The following NEDD4 variants were observed in gnomAD, a reference collection of about 807,000 sequenced individuals.
NEDD4 encodes NEDD4 E3 ubiquitin protein ligase.
Under a neutral mutation model 144.9 loss-of-function variants are expected in NEDD4, and 99 were observed. The observed-to-expected ratio is 0.68, with a 90% CI of 0.58 to 0.81. NEDD4 has a LOEUF of 0.81. NEDD4 is among the 30% of genes least tolerant of loss of function. NEDD4 has a pLI of 0.00. For synonymous variants in NEDD4, 318 were observed against 350.6 expected (o/e 0.91, Z 1.04); for missense variants, 985 against 1,065.9 (o/e 0.92, Z 1.06).
chr15:55,845,747 A>C (rs1473747763), intron 18 of NEDD4, among the ~76,000 whole-genome samples: 2 of 152,098 alleles, frequency 1.3e-5, no homozygotes, highest in African/African-American at 4.8e-5. Context: ...AGAAGTAGAA[A>C]ACAAATTTCC....
In NEDD4 at chr15:55,856,885, T is replaced by G. The variant is rs55935758; in HGVS notation, c.961-689A>C. The stretch of plus-strand genomic sequence containing the variant: ...TATTTAATGACATCAAAATTTACAA[T>G]GCACATACAAATTGAATCAGAATAT... On this transcript the variant is annotated intron_variant, in intron 11 of 28. Transcript: ENST00000435532. Among the ~76,000 whole-genome samples the G allele has an allele frequency of 7.3e-3, 1,115 of 152,344 alleles. 8 individuals are homozygous for G. The highest frequency in any genetic ancestry group is 0.014 in the Middle Eastern group (4 of 294).
intron 21 of NEDD4, among the ~76,000 whole-genome samples, chr15:55,839,979 AAAAAAAAAAAAAAAAAAAAAATAT>A (rs1382947292): frequency 7.9e-5 from 2 of 25,190 alleles, no homozygotes; most frequent in African/African-American, 2.7e-4. Flanking sequence ...GTCTCAAAAA[AAAAAAAAAAAAAAAAAAAAAATAT>A]ATATATATAT....
At chr15:55,949,676 T>A (rs1372530105) in intron 4 of NEDD4, among the ~76,000 whole-genome samples, 2 of 152,116 alleles carry the variant, frequency 1.3e-5, no homozygotes, top group Non-Finnish European at 2.9e-5. Flanking sequence ...CTGGAAACCA[T>A]CATTCTCAGC....
intron 1 of NEDD4, among the ~76,000 whole-genome samples, chr15:55,966,788 T>C (rs1214131681): frequency 6.6e-6 from 1 of 152,230 alleles, no homozygotes; most frequent in African/African-American, 2.4e-5. Context: ...TAAGAATTTA[T>C]CGCTGCGCTC....
chr15:55,860,454 G>A lies in NEDD4; in HGVS notation c.913C>T (p.Leu305Phe). The change falls in exon 11 of 29, where the codon CTC becomes TTC. Residue 305 changes from leucine to phenylalanine, a missense_variant. Coordinates refer to ENST00000435532, the MANE Select transcript of NEDD4 (RefSeq NM_006154.4). Reference sequence around the variant, plus strand: ...ACGGCTGAATTTCCAAAAATGGTGAGTCTGGCATTCAATTCTTCTGCAAGA... The same window carrying A: ...ACGGCTGAATTTCCAAAAATGGTGAATCTGGCATTCAATTCTTCTGCAAGA... ...THLAEELNAR[L>F]TIFGNSAVSQ... The A allele has an allele frequency of 6.2e-7, 1 of 1,614,122 alleles. No individual in the cohort carries two copies.
chr15:55,972,362 TAA>T (rs1157587241), intron 1 of NEDD4, among the ~76,000 whole-genome samples: 1 of 151,936 alleles, frequency 6.6e-6, no homozygotes, highest in Non-Finnish European at 1.5e-5. Context: ...ATAGAAACAA[TAA>T]AAAGTTAAAA....
In NEDD4 at chr15:55,833,489, C is replaced by T. The variant is rs142294138; in HGVS notation, c.2431-385G>A. On this transcript the variant is annotated intron_variant, in intron 26 of 28. Coordinates refer to ENST00000435532, the MANE Select transcript of NEDD4 (RefSeq NM_006154.4). ...CCTGGCCAACAAGGTGAAACCCCGT[C>T]TCTACTAAAAATACAAAAAAAAATA... Among the ~76,000 whole-genome samples, 451 of 152,030 alleles carry T rather than the reference C, an allele frequency of 3.0e-3. 3 individuals carry two copies. Among genetic ancestry groups the T allele is most frequent in the African/African-American group, 0.01 (427 of 41,462 alleles).
chr15:55,933,843 AC>A, intron 4 of NEDD4, among the ~76,000 whole-genome samples: 1 of 152,160 alleles, frequency 6.6e-6, no homozygotes, highest in East Asian at 1.9e-4. Context: ...GTCAATTAAA[AC>A]TTTTTCCTTT....
intron 1 of NEDD4, among the ~76,000 whole-genome samples, chr15:55,977,702 G>C (rs1336079041): frequency 2.6e-5 from 4 of 151,426 alleles, no homozygotes; most frequent in African/African-American, 9.7e-5. Flanking sequence ...TCTGAGGGGA[G>C]GGATTCACAA....
intron 4 of NEDD4, among the ~76,000 whole-genome samples, chr15:55,942,047 C>T (rs1348340319): frequency 7.0e-6 from 1 of 142,780 alleles, no homozygotes; most frequent in Non-Finnish European, 1.5e-5. Context: ...TTGTTCAAAT[C>T]ATCTATATAT....
At chr15:55,895,234 A>T (rs547036642) in intron 5 of NEDD4, among the ~76,000 whole-genome samples, 8 of 152,222 alleles carry the variant, frequency 5.3e-5, no homozygotes, top group Non-Finnish European at 1.0e-4. Flanking sequence ...TCTTTTTAGA[A>T]ATGTCTGCCA....
chr15:55,856,751 T>C (rs1232453346), intron 11 of NEDD4, among the ~76,000 whole-genome samples: 1 of 152,202 alleles, frequency 6.6e-6, no homozygotes, highest in Admixed American at 6.6e-5. Flanking sequence ...CTTCGCAATC[T>C]ACCCCCTGGA....
intron 4 of NEDD4, among the ~76,000 whole-genome samples, chr15:55,932,540 A>G (rs1471226174): frequency 1.3e-5 from 2 of 152,074 alleles, no homozygotes; most frequent in Admixed American, 6.6e-5. Flanking sequence ...AAAGACTTAA[A>G]TGTTAGAGCT....
intron 5 of NEDD4, chr15:55,915,858 C>G (rs1220683293): frequency 6.2e-7 from 1 of 1,613,856 alleles, no homozygotes; most frequent in African/African-American, 1.3e-5. Context: ...TAACCGAAGT[C>G]CATTGACAGC....
Position 55,850,463 on chromosome 15 carries a change from T to C in NEDD4, c.1347+79A>G, listed in dbSNP as rs1761150155. 3 of 1,323,248 alleles carry C rather than the reference T, an allele frequency of 2.3e-6. No individual in the cohort carries two copies. The Admixed American group carries it at 5.7e-5, about 25-fold the overall frequency. 82.0% of individuals were successfully genotyped at this position (1,323,248 alleles called of 1,614,324 possible). On this transcript the variant is annotated intron_variant, in intron 14 of 28. Transcript: ENST00000435532. The stretch of plus-strand genomic sequence containing the variant: ...AGGAAACATAGGTTATACTAATACA[T>C]ACTTAAAGATTTTAAGGAACTATAC...
intron 21 of NEDD4, among the ~76,000 whole-genome samples, chr15:55,840,041 T>TATATATATATATATATAA (rs1428035593): frequency 1.4e-5 from 1 of 70,462 alleles, no homozygotes; most frequent in African/African-American, 5.2e-5. Context: ...TATATATATA[T>TATATATATATATATATAA]AACATTCATC....
chr15:55,850,449 G>A (rs1392834576), intron 14 of NEDD4, 93 bp downstream of exon 14: 5 of 1,143,808 alleles, frequency 4.4e-6, no homozygotes, highest in Non-Finnish European at 1.3e-6. Flanking sequence ...GGAAACATAG[G>A]TTATACTAAT....
At chr15:55,924,529 T>G in intron 5 of NEDD4, 117 bp downstream of exon 5, 2 of 796,896 alleles carry the variant, frequency 2.5e-6, no homozygotes, top group Non-Finnish European at 4.1e-6. Flanking sequence ...TTGCCCAGAG[T>G]CTCCATAACC....
At chr15:55,831,626 GT>G (rs1365363561) in intron 27 of NEDD4, among the ~76,000 whole-genome samples, 4 of 152,176 alleles carry the variant, frequency 2.6e-5, no homozygotes, top group Admixed American at 6.5e-5. Context: ...ACTTTGAGTG[GT>G]TACTCTAGGT....
Sources: allele counts gnomAD v4.1 joint callset (sites outside exome capture counted in the v4.1 genomes callset), GRCh38; gene constraint gnomAD v4.1.1; transcripts MANE v1.5; gene names NCBI Gene and HGNC (gene_info 2026-07-23, HGNC 2026-07-21).